Variants in WDR93 observed in about 807,000 individuals in gnomAD.
The protein encoded by WDR93 is WD repeat-containing protein 93.
WDR93 carries 73 observed loss-of-function variants against 82.9 expected under a neutral mutation model. That is an observed-to-expected ratio of 0.88 (90% confidence interval 0.73 to 1.07). The LOEUF (loss-of-function observed/expected upper bound fraction) is 1.07, where lower values mean the gene tolerates loss of function less well. Among genes scored for constraint, WDR93 ranks in the 50% least tolerant of loss-of-function variants. The probability of loss-of-function intolerance (pLI) is 0.00; values close to 1 mark genes in which losing one functional copy is unlikely to be tolerated. For synonymous variants in WDR93, 283 were observed against 300.1 expected (o/e 0.94, Z 0.59); for missense variants, 738 against 826.0 (o/e 0.89, Z 1.31).
chr15:89,709,029 C>T (rs909207060), intron 4 of WDR93, among the ~76,000 whole-genome samples: 3 of 152,198 alleles, frequency 2.0e-5, no homozygotes, highest in Non-Finnish European at 2.9e-5. Flanking sequence ...CTATTGCAGC[C>T]GTCCGGTGCA....
intron 4 of WDR93, among the ~76,000 whole-genome samples, chr15:89,708,914 C>T (rs2066149229): frequency 6.6e-6 from 1 of 152,246 alleles, no homozygotes; most frequent in African/African-American, 2.4e-5. Context: ...GAAGGCCAGG[C>T]TCAACAGCTG....
chr15:89,743,320 AAGG>A lies in WDR93; in HGVS notation c.1999_2001del (p.Glu667del). The A allele has an allele frequency of 6.2e-7, 1 of 1,614,164 alleles. No individual in the cohort carries two copies. The highest frequency in any genetic ancestry group is 2.2e-5 in the East Asian group (1 of 44,874). ...TCGGAAGCTGGAGAAGAACCCAGAG[AAGG>A]AGGAGGAGCACTGGGCCCGGCTTCA... On this transcript the variant is annotated inframe_deletion, in exon 17 of 17. Coordinates refer to ENST00000268130, the MANE Select transcript of WDR93 (RefSeq NM_020212.2).
At chr15:89,734,974 T>C (rs1967040001) in intron 13 of WDR93, among the ~76,000 whole-genome samples, 1 of 151,810 alleles carries the variant, frequency 6.6e-6, no homozygotes, top group African/African-American at 2.4e-5. Context: ...CCTTCCTTCC[T>C]TCCCTCCGTC....
chr15:89,731,397 G>A, intron 11 of WDR93, 46 bp from the exon 12 acceptor site: 4 of 1,587,210 alleles, frequency 2.5e-6, no homozygotes, highest in Non-Finnish European at 3.4e-6. Context: ...GTGATGGGTA[G>A]GTGCAGAGTC....
At chr15:89,690,770 G>A, upstream of WDR93, 1 of 585,520 alleles carries the variant, frequency 1.7e-6, no homozygotes, top group South Asian at 2.1e-5. Context: ...CAGAGGGGGC[G>A]GGCACACTTT....
intron 1 of WDR93, among the ~76,000 whole-genome samples, chr15:89,696,535 C>T (rs546750814): frequency 3.3e-5 from 5 of 152,220 alleles, no homozygotes; most frequent in Middle Eastern, 3.4e-3. Context: ...CACTCTGTCA[C>T]GTAGGCTGGA....
intron 5 of WDR93, among the ~76,000 whole-genome samples, chr15:89,712,394 A>ATAT (rs1177405888): frequency 3.2e-5 from 2 of 61,706 alleles, no homozygotes; most frequent in African/African-American, 1.9e-4. Context: ...TTTTCCACTA[A>ATAT]TCTTTTTTTT....
intron 1 of WDR93, among the ~76,000 whole-genome samples, chr15:89,699,032 A>C (rs1567095692): frequency 6.6e-6 from 1 of 151,960 alleles, no homozygotes; most frequent in Non-Finnish European, 1.5e-5. Context: ...TAATTAAAAA[A>C]AATTTTTTTT....
At position 89,743,170 on chromosome 15, in the gene WDR93, G is replaced by A. The variant is rs75671600; in HGVS notation, c.1962-122G>A. Reference sequence around the variant, plus strand: ...GGCTGAGCCCTGAGGACACAGAGGCGATGCAGGTGTGTCCTCTTAGAGTTT... The same window carrying A: ...GGCTGAGCCCTGAGGACACAGAGGCAATGCAGGTGTGTCCTCTTAGAGTTT... On this transcript the variant is annotated intron_variant, in intron 16 of 16. Coordinates refer to ENST00000268130, the MANE Select transcript of WDR93 (RefSeq NM_020212.2). 469 of 896,034 alleles carry A rather than the reference G, an allele frequency of 5.2e-4. 4 individuals are homozygous for A. The East Asian group carries it at 6.6e-3, about 13-fold the overall frequency. 55.5% of individuals were successfully genotyped at this position (896,034 alleles called of 1,614,324 possible).
In WDR93 at chr15:89,732,870, C is replaced by T. The variant is rs570263712; in HGVS notation, c.1331-136C>T. On this transcript the variant is annotated intron_variant, in intron 12 of 16. Transcript: ENST00000268130. ...TGGGCACTAGGTTTACTGATTTTCT[C>T]TCACAGGGTGCTCATTGCTTGATTT... 17 of 768,344 alleles carry T rather than the reference C, an allele frequency of 2.2e-5. No individual in the cohort carries two copies. The Admixed American group carries it at 3.5e-4, about 16-fold the overall frequency. 47.6% of individuals were successfully genotyped at this position (768,344 alleles called of 1,614,324 possible).
In WDR93 at chr15:89,701,846, C is replaced by A; in HGVS notation, c.100C>A (p.Pro34Thr). Residue 34 changes from proline (P) to threonine (T), a missense_variant, in exon 2 of 17, where the codon CCT becomes ACT. Physicochemically the swap from Pro to Thr is conservative, Grantham distance 38 (BLOSUM62 -1). Transcript: ENST00000268130. The part of the protein sequence containing the change: ...EVPPPTEKDW[P>T]KDDEQDHVLV... The stretch of plus-strand genomic sequence containing the variant: ...GCCACCCCCAACAGAGAAGGACTGG[C>A]CTAAAGACGATGAACAGGATCATGT... The A allele has an allele frequency of 6.2e-7, 1 of 1,614,182 alleles. No individual in the cohort carries two copies. The highest frequency in any genetic ancestry group is 8.5e-7 in the Non-Finnish European group (1 of 1,180,038).
rs759578851 is a variant in WDR93 at position 89,701,784 on chromosome 15, A to G, written c.38A>G (p.Lys13Arg). Residue 13 changes from lysine (K) to arginine (R), a missense_variant, in exon 2 of 17, where the codon AAG (lysine) becomes AGG (arginine). Lys to Arg is a conservative substitution (Grantham distance 26, BLOSUM62 2). Transcript: ENST00000268130. ...FPRGSQTQKI[K>R]HPIGTRKGPL... is the part of the protein sequence containing the mutation. ...AGAGGAAGTCAGACCCAGAAAATAA[A>G]GCACCCCATTGGTACACGAAAGGGA... 3 of 1,613,396 alleles carry G rather than the reference A, an allele frequency of 1.9e-6. No individual in the cohort carries two copies. Among genetic ancestry groups the G allele is most frequent in the Non-Finnish European group, 2.5e-6 (3 of 1,179,414 alleles).
chr15:89,700,979 TAC>T (rs34106334), intron 1 of WDR93, among the ~76,000 whole-genome samples: 61,740 of 150,004 alleles, frequency 0.41, 13,206 homozygotes, highest in African/African-American at 0.53. Context: ...TATGTGTGTG[TAC>T]ACACACACAC....
intron 14 of WDR93, among the ~76,000 whole-genome samples, chr15:89,736,662 G>C (rs918438413): frequency 2.0e-5 from 3 of 152,128 alleles, no homozygotes; most frequent in Non-Finnish European, 4.4e-5. Context: ...CAAGAACATG[G>C]TGGAGACGAG....
intron 1 of WDR93, among the ~76,000 whole-genome samples, chr15:89,696,721 CG>C (rs1965195853): frequency 6.6e-6 from 1 of 152,088 alleles, no homozygotes; most frequent in South Asian, 2.1e-4. Context: ...TCTTGAACTC[CG>C]GGGCTCAAGC....
chr15:89,706,451 G>T (rs1313206851), intron 4 of WDR93, among the ~76,000 whole-genome samples: 4 of 151,848 alleles, frequency 2.6e-5, no homozygotes, highest in African/African-American at 7.2e-5. Flanking sequence ...AGTCATAGTA[G>T]ATTTTTTTAT....
At chr15:89,736,704 G>A (rs983873578) in intron 14 of WDR93, among the ~76,000 whole-genome samples, 1 of 152,094 alleles carries the variant, frequency 6.6e-6, no homozygotes, top group Non-Finnish European at 1.5e-5. Flanking sequence ...CGCAGGAGGT[G>A]GGGGAGTGGA....
At chr15:89,693,792 A>C (rs983457195) in intron 1 of WDR93, among the ~76,000 whole-genome samples, 1 of 152,210 alleles carries the variant, frequency 6.6e-6, no homozygotes, top group Non-Finnish European at 1.5e-5. Context: ...GAATGATAAC[A>C]TCAAGGTTGT....
intron 1 of WDR93, among the ~76,000 whole-genome samples, chr15:89,700,981 C>T (rs201775646): frequency 0.017 from 458 of 26,594 alleles, 4 homozygotes; most frequent in Admixed American, 0.035. Context: ...TGTGTGTGTA[C>T]ACACACACAC....
Sources: allele counts gnomAD v4.1 joint callset (sites outside exome capture counted in the v4.1 genomes callset), GRCh38; gene constraint gnomAD v4.1.1; transcripts MANE v1.5; gene names NCBI Gene and HGNC (gene_info 2026-07-23, HGNC 2026-07-21).